The following MMACHC variants were observed in gnomAD, a reference collection of about 807,000 sequenced individuals.
MMACHC encodes metabolism of cobalamin associated C.
Under a neutral mutation model 17.6 loss-of-function variants are expected in MMACHC, and 14 were observed. The observed-to-expected ratio is 0.80, with a 90% confidence interval of 0.53 to 1.25. MMACHC has a LOEUF of 1.25. Ranked by LOEUF, MMACHC falls within the 50% of genes most tolerant of loss-of-function variation. The pLI, the probability that MMACHC is intolerant of heterozygous loss-of-function variation, is 0.00. For synonymous variants in MMACHC, 151 were observed against 142.1 expected, an observed-to-expected ratio of 1.06 and a Z score of -0.45; for missense variants, 392 against 364.5, an observed-to-expected ratio of 1.08 and a Z score of -0.62.
At chr1:45,504,546 T>C (rs1363082718) in intron 1 of MMACHC, among the ~76,000 whole-genome samples, 1 of 152,158 alleles carries the variant, frequency 6.6e-6, no homozygotes, top group East Asian at 1.9e-4. Flanking sequence ...ACCCTGTCTC[T>C]ACAACAAATT....
At position 45,508,373 on chromosome 1, in the gene MMACHC, G is replaced by A; in HGVS notation, c.429+9G>A. 1.2e-6 allele frequency: 2 copies of A among 1,614,112 alleles called. No homozygotes were observed. The highest frequency in any genetic ancestry group is 1.3e-5 in the African/African-American group (1 of 75,036). ...ACCCATGGGGGAACCAGGTGAGAGG[G>A]AAAATGTAAATAGAGGCTGAGATAG... On this transcript the variant is annotated intron_variant, in intron 3 of 3. Coordinates refer to ENST00000401061, the MANE Select transcript of MMACHC (RefSeq NM_015506.3).
chr1:45,502,814 C>T (rs111353567), intron 1 of MMACHC, among the ~76,000 whole-genome samples: 71 of 151,896 alleles, frequency 4.7e-4, no homozygotes, highest in African/African-American at 1.6e-3. Context: ...AAGTGATTCT[C>T]CTGCCTCAGC....
In MMACHC at chr1:45,513,198, A is replaced by G. The variant is rs1643789078; in HGVS notation, c.*3983A>G. On this transcript the variant is annotated 3_prime_UTR_variant, in exon 4 of 4. Transcript: ENST00000401061. ...ATATGGATTAACCTCTTCTCTCAAT[A>G]AAGTTATTTAAAAAATGGCATGCTT... The G allele has an allele frequency of 6.6e-6, 1 of 152,180 alleles. No individual in the cohort carries two copies. The highest frequency in any genetic ancestry group is 1.9e-4 in the East Asian group (1 of 5,194). 9.4% of individuals were successfully genotyped at this position (152,180 alleles called of 1,614,324 possible).
At position 45,508,490 on chromosome 1, in the gene MMACHC, G is replaced by A. The variant is rs1278244470; in HGVS notation, c.429+126G>A. Reference sequence around the variant, plus strand: ...CCCAGAACAAATTAGCTTTGTTCTGGATGGGAGGCAGTCCTGTCACATGCG... The same window carrying A: ...CCCAGAACAAATTAGCTTTGTTCTGAATGGGAGGCAGTCCTGTCACATGCG... On this transcript the variant is annotated intron_variant, in intron 3 of 3. Coordinates refer to ENST00000401061, the MANE Select transcript of MMACHC (RefSeq NM_015506.3). 3 of 1,171,578 alleles carry A rather than the reference G, an allele frequency of 2.6e-6. No homozygotes were observed. The African/African-American group carries it at 4.6e-5, about 18-fold the overall frequency. The allele number at this position is 1,171,578 out of a possible 1,614,324, so 72.6% of individuals were successfully genotyped here.
intron 1 of MMACHC, among the ~76,000 whole-genome samples, chr1:45,505,632 G>A (rs956411079): frequency 6.6e-6 from 1 of 151,756 alleles, no homozygotes; most frequent in Admixed American, 6.6e-5. Flanking sequence ...GGCTGGGCCC[G>A]GTGGCTCACG....
Position 45,512,333 on chromosome 1 carries a change from G to C in MMACHC, c.*3118G>C, listed in dbSNP as rs1360136461. 6.6e-6 allele frequency: 1 copy of C among 151,374 alleles called. No homozygotes were observed. The highest frequency in any genetic ancestry group is 1.5e-5 in the Non-Finnish European group (1 of 68,008). The allele number at this position is 151,374 out of a possible 1,614,324, so 9.4% of individuals were successfully genotyped here. Reference sequence around the variant, plus strand: ...GCTCACTGCAAGCTCCACCTCCGGGGTTCATGCCATTCTCCTGCCTCAGCC... The same window carrying C: ...GCTCACTGCAAGCTCCACCTCCGGGCTTCATGCCATTCTCCTGCCTCAGCC... On this transcript the variant is annotated 3_prime_UTR_variant, in exon 4 of 4. Coordinates refer to ENST00000401061, the MANE Select transcript of MMACHC (RefSeq NM_015506.3).
chr1:45,511,287 C>T lies in MMACHC; in HGVS notation c.*2072C>T. 1 of 1,486,488 alleles carries T rather than the reference C, an allele frequency of 6.7e-7. No homozygotes were observed. Among genetic ancestry groups the T allele is most frequent in the African/African-American group, 1.4e-5 (1 of 70,172 alleles). The allele number at this position is 1,486,488 out of a possible 1,614,324, so 92.1% of individuals were successfully genotyped here. A position where few individuals can be genotyped will look rare whatever the true frequency, so the allele number is the denominator to read the frequency against. ...AAAAATACAGAAGAGGTTTTGTTCT[C>T]ATGGCTGCCCACCGCAGCCTGGCAC... is the stretch of plus-strand genomic sequence containing the variant. On this transcript the variant is annotated 3_prime_UTR_variant, in exon 4 of 4. Transcript: ENST00000401061.
In MMACHC at chr1:45,500,366, A is replaced by C. The variant is rs773695165; in HGVS notation, c.34A>C (p.Ile12Leu). The change falls in exon 1 of 4, where the codon ATC becomes CTC. Residue 12 changes from isoleucine to leucine, a missense_variant. By Grantham distance (5) the Ile-to-Leu change is conservative. Transcript: ENST00000401061. Reference protein sequence around the residue: ...EPKVAELKQKIEDTLCPFGFE... With the variant: ...EPKVAELKQKLEDTLCPFGFE... Reference sequence around the variant, plus strand: ...GAAAGTCGCAGAGCTGAAGCAGAAGATCGAGGACACGCTATGTCCTTTTGG... The same window carrying C: ...GAAAGTCGCAGAGCTGAAGCAGAAGCTCGAGGACACGCTATGTCCTTTTGG... 2.5e-6 allele frequency: 4 copies of C among 1,614,178 alleles called. No homozygotes were observed. The highest frequency in any genetic ancestry group is 1.1e-5 in the South Asian group (1 of 91,086).
Position 45,511,035 on chromosome 1 carries a change from TAA to T in MMACHC, c.*1822_*1823del, listed in dbSNP as rs1643733020. The T allele has an allele frequency of 3.9e-6, 1 of 256,516 alleles. No individual in the cohort carries two copies. The highest frequency in any genetic ancestry group is 7.3e-6 in the Non-Finnish European group (1 of 136,862). 15.9% of individuals were successfully genotyped at this position (256,516 alleles called of 1,614,324 possible). ...AAAGCTAATAATATGCTTCCTAAAA[TAA>T]AGACTCATCAAGGTCTCAGTTCAAG... On this transcript the variant is annotated 3_prime_UTR_variant, in exon 4 of 4. Coordinates refer to ENST00000401061, the MANE Select transcript of MMACHC (RefSeq NM_015506.3).
At chr1:45,504,125 G>C (rs1643583984) in intron 1 of MMACHC, among the ~76,000 whole-genome samples, 1 of 152,122 alleles carries the variant, frequency 6.6e-6, no homozygotes, top group Admixed American at 6.6e-5. Context: ...AAAAACACAG[G>C]CTTGCTGGCC....
chr1:45,508,451 T>G (rs1643670374), intron 3 of MMACHC, 87 bp downstream of exon 3: 2 of 1,474,152 alleles, frequency 1.4e-6, no homozygotes, highest in South Asian at 1.2e-5. Flanking sequence ...CTTCCCTGGA[T>G]GGATGTGACA....
chr1:45,507,226 C>A, intron 1 of MMACHC, 130 bp from the exon 2 acceptor site: 1 of 770,830 alleles, frequency 1.3e-6, no homozygotes, highest in Non-Finnish European at 2.2e-6. Flanking sequence ...CATCACATAG[C>A]GTCAGTGAAA....
rs1209388287 is a variant in MMACHC, at chr1:45,509,006, C to T, written c.640C>T (p.Arg214Cys). The T allele has an allele frequency of 9.3e-6, 15 of 1,614,048 alleles. No individual in the cohort carries two copies. The highest frequency in any genetic ancestry group is 1.6e-4 in the Middle Eastern group (1 of 6,084). ...TYRDAVTPQE[R>C]YSEEQKAYFS... ...CCGGGATGCTGTGACACCCCAGGAG[C>T]GCTACTCAGAAGAGCAGAAGGCCTA... The change falls in exon 4 of 4, where the codon CGC becomes TGC. Residue 214 changes from arginine (R) to cysteine (C), a missense_variant. By Grantham distance (180) the Arg-to-Cys change is radical. Transcript: ENST00000401061.
rs1643648932 is a variant in MMACHC at position 45,507,531 on chromosome 1, A to T, written c.257A>T (p.His86Leu). ...CCAGTGGACCAGTGTGTGGCCTACC[A>T]TCTGGGCCGTGTTAGAGAGGTGAGG... ...TDPVDQCVAYHLGRVRESLPE... is the reference protein window; with the variant it reads ...TDPVDQCVAYLLGRVRESLPE... Residue 86 changes from histidine to leucine, a missense_variant, in exon 2 of 4, where the codon CAT (histidine) becomes CTT (leucine). Coordinates refer to ENST00000401061, the MANE Select transcript of MMACHC (RefSeq NM_015506.3). 6.2e-7 allele frequency: 1 copy of T among 1,614,152 alleles called. No homozygotes were observed. Among genetic ancestry groups the T allele is most frequent in the South Asian group, 1.1e-5 (1 of 91,082 alleles).
Position 45,509,163 on chromosome 1 carries a change from C to A in MMACHC, c.797C>A (p.Ala266Asp). Residue 266 changes from alanine to aspartate, a missense_variant, in exon 4 of 4, where the codon GCC becomes GAC. Coordinates refer to ENST00000401061, the MANE Select transcript of MMACHC (RefSeq NM_015506.3). ...AAGAAGCCTGGGAATCCCAGCAGAG[C>A]CCGGAGCTGGCTCAGCCCCAGGGTC... is the stretch of plus-strand genomic sequence containing the variant. ...APKKPGNPSR[A>D]RSWLSPRVSP... 1 of 1,613,930 alleles carries A rather than the reference C, an allele frequency of 6.2e-7. No homozygotes were observed. Among genetic ancestry groups the A allele is most frequent in the Admixed American group, 1.7e-5 (1 of 59,970 alleles).
In MMACHC at chr1:45,508,296, G is replaced by T; in HGVS notation, c.361G>T (p.Ala121Ser). Reference protein sequence around the residue: ...RRPKILAQTAAHVAGAAYYYQ... With the variant: ...RRPKILAQTASHVAGAAYYYQ... ...CCCCAAGATCCTGGCCCAGACAGCA[G>T]CCCATGTAGCTGGGGCTGCTTACTA... Residue 121 changes from alanine (A) to serine (S), a missense_variant, in exon 3 of 4, where the codon GCC becomes TCC. Ala to Ser is a moderately conservative substitution (Grantham distance 99, BLOSUM62 1). Coordinates refer to ENST00000401061, the MANE Select transcript of MMACHC (RefSeq NM_015506.3). 1 of 1,614,234 alleles carries T rather than the reference G, an allele frequency of 6.2e-7. No individual in the cohort carries two copies. The highest frequency in any genetic ancestry group is 8.5e-7 in the Non-Finnish European group (1 of 1,180,042).
chr1:45,508,721 T>G, intron 3 of MMACHC, 75 bp from the exon 4 acceptor site: 1 of 1,516,732 alleles, frequency 6.6e-7, no homozygotes. Context: ...TGAACAGGCC[T>G]AGCTTGCAAT....
intron 1 of MMACHC, among the ~76,000 whole-genome samples, chr1:45,506,631 C>T (rs1414596733): frequency 1.3e-5 from 2 of 151,964 alleles, no homozygotes; most frequent in Non-Finnish European, 2.9e-5. Flanking sequence ...CGATTACAGG[C>T]GAGTGCCACC....
intron 3 of MMACHC, 88 bp from the exon 4 acceptor site, chr1:45,508,708 A>T: frequency 1.4e-6 from 2 of 1,415,878 alleles, no homozygotes; most frequent in Non-Finnish European, 1.9e-6. Flanking sequence ...ACTGAGTGGG[A>T]AGTGAACAGG....
Sources: allele counts gnomAD v4.1 joint callset (sites outside exome capture counted in the v4.1 genomes callset), GRCh38; gene constraint gnomAD v4.1.1; transcripts MANE v1.5; gene names NCBI Gene and HGNC (gene_info 2026-07-23, HGNC 2026-07-21).